SYN3: variants seen among roughly 807,000 people sequenced by gnomAD.
SYN3 encodes synapsin III, also known as synapsin-3.
In SYN3, 35 loss-of-function variants were observed where a neutral mutation model predicts 65.8. That is an observed-to-expected ratio of 0.53 (90% CI 0.41 to 0.70). The LOEUF (loss-of-function observed/expected upper bound fraction) is 0.70, where lower values mean the gene tolerates loss of function less well. Among genes scored for constraint, SYN3 ranks in the 30% least tolerant of loss-of-function variants. SYN3 has a pLI of 0.00. For synonymous variants in SYN3, 270 were observed against 292.9 expected, an observed-to-expected ratio of 0.92 and a Z score of 0.80; for missense variants, 680 against 749.0, an observed-to-expected ratio of 0.91 and a Z score of 1.08.
chr22:32,781,022 T>C (rs2046045968), intron 6 of SYN3, among the ~76,000 whole-genome samples: 2 of 75,642 alleles, frequency 2.6e-5, no homozygotes, highest in Admixed American at 1.4e-4. Flanking sequence ...TTTCTTTCTC[T>C]CTCTCTTTTT....
rs78624360 is a variant in SYN3, at chr22:32,842,570, T to C, written c.711+22345A>G. 5.6e-3 allele frequency among the ~76,000 whole-genome samples: 857 copies of C among 152,294 alleles called. 11 individuals are homozygous for C. The highest frequency in any genetic ancestry group is 0.019 in the African/African-American group (802 of 41,550). On this transcript the variant is annotated intron_variant, in intron 6 of 13. Coordinates refer to ENST00000358763, the MANE Select transcript of SYN3 (RefSeq NM_003490.4). ...AGTAAATTTAAGAATCTACAAGTCA[T>C]CACCATCAGCAATATAACAGTGTAT...
chr22:32,772,201 C>T (rs1456330329), intron 6 of SYN3, among the ~76,000 whole-genome samples: 2 of 151,970 alleles, frequency 1.3e-5, no homozygotes, highest in Admixed American at 6.6e-5. Flanking sequence ...AAAGCAGGAC[C>T]AGAAGGTCAA....
intron 6 of SYN3, among the ~76,000 whole-genome samples, chr22:32,808,942 C>G (rs1361472618): frequency 1.3e-5 from 2 of 152,198 alleles, no homozygotes; most frequent in Non-Finnish European, 2.9e-5. Context: ...ACCCACTATG[C>G]TCTCTGCATT....
At chr22:32,906,195 C>G (rs1348298214) in intron 4 of SYN3, among the ~76,000 whole-genome samples, 1 of 152,140 alleles carries the variant, frequency 6.6e-6, no homozygotes, top group African/African-American at 2.4e-5. Flanking sequence ...CTGCAAACAA[C>G]GATCTGGCAT....
chr22:32,747,660 C>T (rs919613054), intron 6 of SYN3, among the ~76,000 whole-genome samples: 1 of 152,188 alleles, frequency 6.6e-6, no homozygotes. Flanking sequence ...ATGTGAGACT[C>T]CAGAGTCTGA....
At chr22:32,713,278 TA>T (rs755374919) in intron 6 of SYN3, among the ~76,000 whole-genome samples, 1 of 152,224 alleles carries the variant, frequency 6.6e-6, no homozygotes, top group Non-Finnish European at 1.5e-5. Flanking sequence ...ACCAGAAAGT[TA>T]TAGGCTTAAG....
intron 9 of SYN3, among the ~76,000 whole-genome samples, chr22:32,536,247 C>T (rs896316400): frequency 6.6e-6 from 1 of 152,312 alleles, no homozygotes; most frequent in African/African-American, 2.4e-5. Flanking sequence ...ATGATTCAGT[C>T]GTGCCAGGTC....
chr22:32,703,154 C>T (rs1044417445), intron 6 of SYN3, among the ~76,000 whole-genome samples: 29 of 152,114 alleles, frequency 1.9e-4, no homozygotes, highest in African/African-American at 6.5e-4. Flanking sequence ...CTATTTAATA[C>T]ATGTGATTTA....
chr22:32,597,189 G>C (rs558940076), intron 6 of SYN3, among the ~76,000 whole-genome samples: 5 of 135,332 alleles, frequency 3.7e-5, no homozygotes, highest in African/African-American at 1.0e-4. Context: ...GCATACTCCT[G>C]TCTTACATTA....
intron 6 of SYN3, among the ~76,000 whole-genome samples, chr22:32,667,883 G>A (rs1335267760): frequency 1.4e-5 from 2 of 138,454 alleles, no homozygotes; most frequent in African/African-American, 2.7e-5. Context: ...CTGCAAGTCC[G>A]CCCGGGTTCA....
At chr22:32,664,991 CTTTTTTTTTT>C (rs564943069) in intron 6 of SYN3, among the ~76,000 whole-genome samples, 2 of 68,950 alleles carry the variant, frequency 2.9e-5, no homozygotes, top group African/African-American at 6.5e-5. Context: ...ATGTATAATT[CTTTTTTTTTT>C]TTTTTTTTTT....
chr22:32,832,493 G>T (rs1258652741), intron 6 of SYN3, among the ~76,000 whole-genome samples: 1 of 150,664 alleles, frequency 6.6e-6, no homozygotes, highest in Non-Finnish European at 1.5e-5. Flanking sequence ...CCAATTCCTG[G>T]CCCAGGGCTC....
chr22:33,035,971 T>A (rs1439388273), intron 1 of SYN3, among the ~76,000 whole-genome samples: 1 of 152,160 alleles, frequency 6.6e-6, no homozygotes, highest in African/African-American at 2.4e-5. Flanking sequence ...CAAGACTCAT[T>A]CTCCAACCAC....
chr22:33,004,322 CAGCCTGTGAAATCAGCT>C (rs1219054302), intron 2 of SYN3, among the ~76,000 whole-genome samples: 1 of 152,238 alleles, frequency 6.6e-6, no homozygotes, highest in Non-Finnish European at 1.5e-5. Flanking sequence ...GACACAACGC[CAGCCTGTGAAATCAGCT>C]GGGAGGGGAA....
At chr22:33,050,538 G>A (rs905202235) in intron 1 of SYN3, among the ~76,000 whole-genome samples, 3 of 145,618 alleles carry the variant, frequency 2.1e-5, no homozygotes, top group African/African-American at 7.7e-5. Flanking sequence ...TTGATCCAAA[G>A]AACTGTAAGA....
chr22:33,021,734 C>T (rs980323779), intron 1 of SYN3, among the ~76,000 whole-genome samples: 10 of 151,528 alleles, frequency 6.6e-5, no homozygotes, highest in African/African-American at 2.2e-4. Context: ...CCTACTTGTT[C>T]TTTTTTTCCA....
chr22:32,541,707 C>G lies in SYN3; in HGVS notation c.781G>C (p.Val261Leu). ...TCCTGGAAGTCAAGCTGGTTTTCCA[C>G]TTTGATCTGTGTGGGAGGATGAGGG... ...HAHAGMGKIK[V>L]ENQLDFQDIT... The change falls in exon 8 of 14, where the codon GTG (valine) becomes CTG (leucine). Residue 261 changes from valine (V) to leucine (L), a missense_variant. Physicochemically the swap from Val to Leu is conservative, Grantham distance 32 (BLOSUM62 1). Coordinates refer to ENST00000358763, the MANE Select transcript of SYN3 (RefSeq NM_003490.4). 1 of 1,613,922 alleles carries G rather than the reference C, an allele frequency of 6.2e-7. No homozygotes were observed. Among genetic ancestry groups the G allele is most frequent in the African/African-American group, 1.3e-5 (1 of 75,006 alleles).
At chr22:32,799,662 T>C (rs537533690) in intron 6 of SYN3, among the ~76,000 whole-genome samples, 1 of 152,282 alleles carries the variant, frequency 6.6e-6, no homozygotes, top group South Asian at 2.1e-4. Context: ...GAATAAGTCA[T>C]GTGGGGCGCG....
chr22:32,986,971 C>T (rs241711), intron 2 of SYN3, among the ~76,000 whole-genome samples: 95,616 of 151,828 alleles, frequency 0.63, 30,479 homozygotes, highest in East Asian at 0.78. Context: ...ATGAGAGAGA[C>T]TGATGAGGAA....
Sources: gnomAD v4.1 joint callset for allele counts (sites outside exome capture counted in the v4.1 genomes callset) on GRCh38, gnomAD v4.1.1 for gene constraint, MANE v1.5 for transcripts, NCBI Gene and HGNC (gene_info 2026-07-23, HGNC 2026-07-21) for gene names.